PDE4D: variants seen among roughly 807,000 people sequenced by gnomAD.
The protein encoded by PDE4D is phosphodiesterase 4D.
PDE4D carries 24 observed loss-of-function variants against 87.4 expected under a neutral mutation model. That is an observed-to-expected ratio of 0.27 (90% CI 0.20 to 0.39). PDE4D has a LOEUF of 0.39. PDE4D is among the 10% of genes least tolerant of loss of function. The pLI is 1.00. For synonymous variants in PDE4D, 384 were observed against 383.2 expected, an observed-to-expected ratio of 1.00 and a Z score of -0.02; for missense variants, 714 against 1,041.0, an observed-to-expected ratio of 0.69 and a Z score of 4.32.
intron 1 of PDE4D, among the ~76,000 whole-genome samples, chr5:59,386,715 G>GAGGGAGGGAGAA (rs1787125769): frequency 1.4e-5 from 2 of 143,508 alleles, no homozygotes; most frequent in Admixed American, 6.9e-5. Flanking sequence ...GGGAGGGAGG[G>GAGGGAGGGAGAA]AAAGAAAGAG....
intron 6 of PDE4D, among the ~76,000 whole-genome samples, chr5:59,011,001 G>A (rs758553214): frequency 2.6e-5 from 4 of 152,164 alleles, no homozygotes; most frequent in Non-Finnish European, 4.4e-5. Flanking sequence ...CGGTTCGGCA[G>A]CCTCTGCTGG....
intron 5 of PDE4D, among the ~76,000 whole-genome samples, chr5:59,086,543 C>T (rs536888513): frequency 4.5e-4 from 68 of 152,124 alleles, no homozygotes; most frequent in African/African-American, 1.6e-3. Flanking sequence ...TGTGTGAGTA[C>T]CTTCACCCCC....
At chr5:60,296,452 G>A (rs79504357) in intron 1 of PDE4D, among the ~76,000 whole-genome samples, 4,659 of 152,190 alleles carry the variant, frequency 0.031, 122 homozygotes, top group East Asian at 0.11. Flanking sequence ...AAAAATGACT[G>A]GGTAAGCCTC....
chr5:59,151,253 G>A (rs1779439078), intron 5 of PDE4D, among the ~76,000 whole-genome samples: 1 of 152,136 alleles, frequency 6.6e-6, no homozygotes, highest in African/African-American at 2.4e-5. Context: ...CTTCCTGTAA[G>A]CCTCAGAGTG....
chr5:59,161,261 C>A (rs1261068533), intron 5 of PDE4D, among the ~76,000 whole-genome samples: 1 of 152,150 alleles, frequency 6.6e-6, no homozygotes, highest in Non-Finnish European at 1.5e-5. Flanking sequence ...GGTGGTCAGG[C>A]TACAGCTTGT....
rs555336776 is a variant in PDE4D, at chr5:60,052,694, T to C, written c.43-63977A>G. 2.6e-5 allele frequency among the ~76,000 whole-genome samples: 4 copies of C among 152,266 alleles called. No homozygotes were observed. In the East Asian group the frequency reaches 5.8e-4, roughly 22 times the overall value. ...GTATTGGAAGTTCTGGCCAGGGCAA[T>C]CAGGCAAGAGAACGAAATAAAGGAT... On this transcript the variant is annotated intron_variant, in intron 2 of 16. Coordinates refer to the PDE4D transcript ENST00000502484.
At chr5:59,091,042 A>G in intron 5 of PDE4D, 1 of 426,726 alleles carries the variant, frequency 2.3e-6, no homozygotes, top group Non-Finnish European at 4.6e-6. Context: ...AAAAACAAAT[A>G]CAATTCAAAT....
At chr5:59,303,719 C>T (rs969409708) in intron 1 of PDE4D, among the ~76,000 whole-genome samples, 3 of 151,786 alleles carry the variant, frequency 2.0e-5, no homozygotes, top group African/African-American at 7.3e-5. Flanking sequence ...GGTTTATCTC[C>T]GGGTTCTCTA....
chr5:59,929,511 T>A (rs1159851589), intron 3 of PDE4D, among the ~76,000 whole-genome samples: 1 of 151,916 alleles, frequency 6.6e-6, no homozygotes, highest in Admixed American at 6.5e-5. Context: ...TTTTTTTTTT[T>A]AATTCAAAAT....
intron 1 of PDE4D, among the ~76,000 whole-genome samples, chr5:59,536,954 C>T (rs541044722): frequency 2.0e-5 from 3 of 152,192 alleles, no homozygotes; most frequent in African/African-American, 7.2e-5. Context: ...TGGTATGCTA[C>T]AATACGACCC....
intron 5 of PDE4D, among the ~76,000 whole-genome samples, chr5:59,059,541 C>T (rs189709881): frequency 2.6e-5 from 4 of 152,290 alleles, no homozygotes; most frequent in Admixed American, 1.3e-4. Context: ...ACATGAAGAG[C>T]ATCAGACAGT....
intron 1 of PDE4D, among the ~76,000 whole-genome samples, chr5:60,244,734 A>G (rs576429777): frequency 4.3e-4 from 66 of 152,148 alleles, no homozygotes; most frequent in African/African-American, 1.5e-3. Context: ...TGCTGGAAAA[A>G]CTGGATATCC....
At chr5:60,209,560 C>A (rs1742951243) in intron 1 of PDE4D, among the ~76,000 whole-genome samples, 1 of 152,084 alleles carries the variant, frequency 6.6e-6, no homozygotes, top group Admixed American at 6.6e-5. Context: ...AAAATGTCAT[C>A]ATTATCTTAT....
chr5:59,920,382 A>G (rs1416671825), intron 3 of PDE4D, among the ~76,000 whole-genome samples: 1 of 152,250 alleles, frequency 6.6e-6, no homozygotes, highest in Admixed American at 6.5e-5. Flanking sequence ...ATTATTCTAC[A>G]ATCCTGTGGA....
chr5:59,054,994 A>G (rs992631195), intron 5 of PDE4D, among the ~76,000 whole-genome samples: 1 of 152,180 alleles, frequency 6.6e-6, no homozygotes, highest in Non-Finnish European at 1.5e-5. Flanking sequence ...TTTTTGAAGT[A>G]ATTTCTCCAT....
intron 1 of PDE4D, among the ~76,000 whole-genome samples, chr5:60,447,377 C>T (rs942132750): frequency 2.0e-5 from 3 of 152,092 alleles, no homozygotes; most frequent in South Asian, 2.1e-4. Flanking sequence ...TAATTTGCAA[C>T]GGAAAAACAT....
chr5:59,456,291 T>G (rs1427897191), intron 1 of PDE4D, among the ~76,000 whole-genome samples: 2 of 152,312 alleles, frequency 1.3e-5, no homozygotes, highest in Admixed American at 1.3e-4. Context: ...TTTCCTGTGC[T>G]ATTCTCCTGA....
intron 5 of PDE4D, among the ~76,000 whole-genome samples, chr5:59,130,702 A>G (rs1272283671): frequency 6.6e-6 from 1 of 152,218 alleles, no homozygotes; most frequent in Non-Finnish European, 1.5e-5. Flanking sequence ...TTGGTGATTT[A>G]GCCCTGAACC....
chr5:60,045,011 T>C (rs1769035180), intron 2 of PDE4D, among the ~76,000 whole-genome samples: 2 of 152,196 alleles, frequency 1.3e-5, no homozygotes, highest in African/African-American at 2.4e-5. Flanking sequence ...TTTATCCACA[T>C]CCTCTCCAGC....
Sources: allele counts gnomAD v4.1 joint callset (sites outside exome capture counted in the v4.1 genomes callset), GRCh38; gene constraint gnomAD v4.1.1; transcripts MANE v1.5; gene names NCBI Gene and HGNC (gene_info 2026-07-23, HGNC 2026-07-21).